Variants in ASB5 observed in about 807,000 individuals in gnomAD.
ASB5 encodes ankyrin repeat and SOCS box protein 5.
In ASB5, 45 loss-of-function variants were observed where a neutral mutation model predicts 42.1. That is an observed-to-expected ratio of 1.07 (90% CI 0.84 to 1.37). The LOEUF (loss-of-function observed/expected upper bound fraction) is 1.37. Ranked by LOEUF, ASB5 falls within the 40% of genes most tolerant of loss-of-function variation. The pLI is 0.00. For synonymous variants in ASB5, 147 were observed against 150.6 expected, an observed-to-expected ratio of 0.98 and a Z score of 0.18; for missense variants, 402 against 399.8, an observed-to-expected ratio of 1.01 and a Z score of -0.05.
In ASB5 at chr4:176,269,137, A is replaced by G; in HGVS notation, c.-29T>C. The G allele has an allele frequency of 6.3e-7, 1 of 1,592,124 alleles. No individual in the cohort carries two copies. The highest frequency in any genetic ancestry group is 8.6e-7 in the Non-Finnish European group (1 of 1,167,108). ...TGCAGAAGAATCTGCGGCGGTCTTT[A>G]GTTGGATCCAAGTCTCAAATGTGCC... is the stretch of plus-strand genomic sequence containing the variant. On this transcript the variant is annotated 5_prime_UTR_variant, in exon 1 of 7. Transcript: ENST00000296525.
intron 1 of ASB5, among the ~76,000 whole-genome samples, chr4:176,231,612 C>G (rs1048230764): frequency 3.5e-5 from 5 of 141,450 alleles, no homozygotes; most frequent in African/African-American, 1.3e-4. Context: ...CATTTGAGCC[C>G]AGGAGTTTGA....
intron 1 of ASB5, among the ~76,000 whole-genome samples, chr4:176,244,314 T>A (rs1279399404): frequency 6.6e-6 from 1 of 152,200 alleles, no homozygotes; most frequent in Non-Finnish European, 1.5e-5. Flanking sequence ...GGGTGATACA[T>A]GCTTCATACA....
intron 1 of ASB5, among the ~76,000 whole-genome samples, chr4:176,244,069 G>T (rs1280099466): frequency 6.6e-6 from 1 of 151,918 alleles, no homozygotes; most frequent in Non-Finnish European, 1.5e-5. Context: ...CATTAGTTTG[G>T]TGCTTTGTAT....
At chr4:176,260,689 GT>G (rs895606067) in intron 1 of ASB5, among the ~76,000 whole-genome samples, 5 of 151,992 alleles carry the variant, frequency 3.3e-5, no homozygotes, top group African/African-American at 1.2e-4. Flanking sequence ...TGTTTGTTTT[GT>G]TTTTTTGAGA....
At chr4:176,269,776 C>A (rs1579338741), upstream of ASB5, among the ~76,000 whole-genome samples, 1 of 151,944 alleles carries the variant, frequency 6.6e-6, no homozygotes, top group Admixed American at 6.6e-5. Flanking sequence ...TTTGAAGTGA[C>A]AAAGACAAGT....
chr4:176,268,376 A>T (rs543559085), intron 1 of ASB5, among the ~76,000 whole-genome samples: 2 of 152,288 alleles, frequency 1.3e-5, no homozygotes, highest in South Asian at 4.1e-4. Flanking sequence ...AGAAAAACAC[A>T]TGTCGTCAAT....
intron 1 of ASB5, among the ~76,000 whole-genome samples, chr4:176,264,802 C>G (rs1397766027): frequency 3.3e-5 from 5 of 152,026 alleles, no homozygotes; most frequent in Non-Finnish European, 7.4e-5. Flanking sequence ...GAAAATGTTA[C>G]TCTAAGGTAA....
At chr4:176,261,939 C>T (rs1310129141) in intron 1 of ASB5, among the ~76,000 whole-genome samples, 1 of 150,722 alleles carries the variant, frequency 6.6e-6, no homozygotes, top group African/African-American at 2.4e-5. Context: ...TTATGTATTA[C>T]ATATTATAGT....
intron 1 of ASB5, among the ~76,000 whole-genome samples, chr4:176,229,729 A>G (rs1277735833): frequency 6.6e-6 from 1 of 152,044 alleles, no homozygotes; most frequent in Non-Finnish European, 1.5e-5. Flanking sequence ...TATTATTTCT[A>G]TTAATAGGAC....
Position 176,215,621 on chromosome 4 carries a change from C to T in ASB5, c.969G>A (p.Lys323=). 6.2e-7 allele frequency: 1 copy of T among 1,612,454 alleles called. No homozygotes were observed. The highest frequency in any genetic ancestry group is 8.5e-7 in the Non-Finnish European group (1 of 1,179,108). ...IPQLQLPTLL[K]NFLQYR is the part of the protein sequence containing the mutation. Reference sequence around the variant, plus strand: ...TGTTTTATCGATACTGTAAGAAATTCTTCAGTAACGTTGGCAGCTGGAGTT... The same window carrying T: ...TGTTTTATCGATACTGTAAGAAATTTTTCAGTAACGTTGGCAGCTGGAGTT... Residue 323 remains lysine (K), a synonymous_variant, in exon 7 of 7, where the codon AAG becomes AAA. Coordinates refer to ENST00000296525, the MANE Select transcript of ASB5 (RefSeq NM_080874.4).
At chr4:176,245,999 A>G (rs1753904978) in intron 1 of ASB5, among the ~76,000 whole-genome samples, 1 of 151,972 alleles carries the variant, frequency 6.6e-6, no homozygotes, top group Admixed American at 6.6e-5. Flanking sequence ...ATACATATGT[A>G]ACAAACCTGC....
intron 3 of ASB5, 34 bp downstream of exon 3, chr4:176,222,279 A>C: frequency 1.3e-6 from 2 of 1,534,368 alleles, no homozygotes; most frequent in Non-Finnish European, 1.8e-6. Flanking sequence ...CCGTCAGTAG[A>C]TGTTAAATGA....
At chr4:176,253,503 T>C (rs1321484779) in intron 1 of ASB5, among the ~76,000 whole-genome samples, 1 of 152,200 alleles carries the variant, frequency 6.6e-6, no homozygotes, top group Non-Finnish European at 1.5e-5. Context: ...ATGCCCACTC[T>C]CATTACTCCT....
At position 176,268,940 on chromosome 4, in the gene ASB5, C is replaced by T; in HGVS notation, c.169G>A (p.Glu57Lys). The T allele has an allele frequency of 1.2e-6, 2 of 1,612,176 alleles. No homozygotes were observed. Among genetic ancestry groups the T allele is most frequent in the Non-Finnish European group, 1.7e-6 (2 of 1,179,128 alleles). The change falls in exon 1 of 7, where the codon GAA becomes AAA. Residue 57 changes from glutamate (E) to lysine (K), a missense_variant. By Grantham distance (56) the Glu-to-Lys change is moderately conservative. Coordinates refer to ENST00000296525, the MANE Select transcript of ASB5 (RefSeq NM_080874.4). ...NRKEAARIAA[E>K]FYGVTQGQGS... is the part of the protein sequence containing the mutation. ...TGTCCTTGGGTTACTCCATAAAATTCAGCTGCTATCCTTGCCGCTTCCTTG... is the reference window on the plus strand; with the variant it reads ...TGTCCTTGGGTTACTCCATAAAATTTAGCTGCTATCCTTGCCGCTTCCTTG...
intron 1 of ASB5, among the ~76,000 whole-genome samples, chr4:176,232,603 C>T (rs1327931293): frequency 6.6e-6 from 1 of 152,058 alleles, no homozygotes; most frequent in African/African-American, 2.4e-5. Flanking sequence ...ACATGTAGCC[C>T]ATCTCTACTC....
intron 1 of ASB5, among the ~76,000 whole-genome samples, chr4:176,261,560 T>G (rs1754268516): frequency 6.6e-6 from 1 of 152,170 alleles, no homozygotes; most frequent in African/African-American, 2.4e-5. Context: ...CATTCTAAAC[T>G]TTTCCTCTTT....
intron 1 of ASB5, chr4:176,237,241 C>T (rs1185558111): frequency 1.0e-6 from 1 of 977,324 alleles, no homozygotes; most frequent in Non-Finnish European, 1.2e-6. Context: ...AAAAACAGGC[C>T]AATGTGGTTT....
intron 1 of ASB5, among the ~76,000 whole-genome samples, chr4:176,248,729 A>C (rs1023694895): frequency 6.6e-6 from 1 of 152,232 alleles, no homozygotes; most frequent in Admixed American, 6.5e-5. Context: ...TAACAAAAGA[A>C]TATTTAGAGA....
chr4:176,233,111 A>C (rs1171097636), intron 1 of ASB5, among the ~76,000 whole-genome samples: 1 of 152,236 alleles, frequency 6.6e-6, no homozygotes, highest in African/African-American at 2.4e-5. Flanking sequence ...CACAGTACTA[A>C]ATGCATTTGA....
Sources: allele counts gnomAD v4.1 joint callset (sites outside exome capture counted in the v4.1 genomes callset), GRCh38; gene constraint gnomAD v4.1.1; transcripts MANE v1.5; gene names NCBI Gene and HGNC (gene_info 2026-07-23, HGNC 2026-07-21).